MTOR: variants seen among roughly 807,000 people sequenced by gnomAD.
MTOR encodes mechanistic target of rapamycin kinase.
Under a neutral mutation model 319.8 loss-of-function variants are expected in MTOR, and 70 were observed. The ratio of observed to expected loss-of-function variants is 0.22; its 90% CI spans 0.18 to 0.27. MTOR has a LOEUF of 0.27. Ranked by LOEUF, MTOR falls within the 10% of genes least tolerant of loss-of-function variation. The pLI is 1.00. For synonymous variants in MTOR, 1,183 were observed against 1,211.4 expected (o/e 0.98, Z 0.49); for missense variants, 1,890 against 3,274.4 (o/e 0.58, Z 10.32).
intron 19 of MTOR, among the ~76,000 whole-genome samples, chr1:11,225,830 A>G (rs1193804218): frequency 6.6e-6 from 1 of 152,244 alleles, no homozygotes; most frequent in Non-Finnish European, 1.5e-5. Flanking sequence ...TTAAAATGTA[A>G]GAGAACAGTG....
In MTOR at chr1:11,109,345, C is replaced by T. The variant is rs1203276748; in HGVS notation, c.7473G>A (p.Glu2491=). 2.5e-6 allele frequency: 4 copies of T among 1,614,196 alleles called. No homozygotes were observed. The highest frequency in any genetic ancestry group is 1.7e-5 in the Admixed American group (1 of 60,016). ...SFIGDGLVKP[E]ALNKKAIQII... is the part of the protein sequence containing the mutation. ...TCTGGATAGCTTTCTTATTTAGGGCCTCTGGTTTCACCAAACCGTCTCCAA... is the reference window on the plus strand; with the variant it reads ...TCTGGATAGCTTTCTTATTTAGGGCTTCTGGTTTCACCAAACCGTCTCCAA... The change falls in exon 56 of 58, where the codon GAG becomes GAA. Residue 2491 remains glutamate (E), a synonymous_variant. Coordinates refer to ENST00000361445, the MANE Select transcript of MTOR (RefSeq NM_004958.4). This position sits in a 1 kb window ranked among gnomAD's most constrained non-coding sequence, Gnocchi z 4.0.
chr1:11,182,364 C>T (rs918426423), intron 28 of MTOR, among the ~76,000 whole-genome samples: 4 of 152,106 alleles, frequency 2.6e-5, no homozygotes, highest in African/African-American at 7.2e-5. Flanking sequence ...GACGAGACAA[C>T]AATTGTGTAC....
At chr1:11,135,176 A>T (rs1215028204) in intron 36 of MTOR, among the ~76,000 whole-genome samples, 1 of 152,204 alleles carries the variant, frequency 6.6e-6, no homozygotes, top group Non-Finnish European at 1.5e-5. Flanking sequence ...CAGATCTGGG[A>T]CTACTGTACA....
chr1:11,198,585 A>G (rs1645861745), intron 28 of MTOR, among the ~76,000 whole-genome samples: 1 of 152,216 alleles, frequency 6.6e-6, no homozygotes, highest in Non-Finnish European at 1.5e-5. Context: ...AGATAATGAG[A>G]TCCCGAAGTT....
At position 11,262,117 on chromosome 1, in the gene MTOR, G is replaced by A. The variant is rs140784683; in HGVS notation, c.-15+328C>T. Among the ~76,000 whole-genome samples the A allele has an allele frequency of 1.6e-3, 238 of 152,318 alleles. 2 individuals carry two copies. The South Asian group carries it at 0.016, about 10-fold the overall frequency. On this transcript the variant is annotated intron_variant, in intron 1 of 57. Transcript: ENST00000361445. ...GGACGCTAGTGTTCCCTGGGGCAGA[G>A]ATACACAATTTTTATACGTGGCTCA...
chr1:11,114,681 A>C, intron 52 of MTOR, 132 bp downstream of exon 52: 1 of 1,057,542 alleles, frequency 9.5e-7, no homozygotes, highest in Non-Finnish European at 1.4e-6. Flanking sequence ...ACACAATAGG[A>C]AATAACAGAA....
rs1168126285 is a variant in MTOR, at chr1:11,259,357, TTGCTAGATG to T, written c.44_52del (p.Thr15_Ser17del). ...GGCAAACTGCTGCAGGACGCTCACA[TTGCTAGATG>T]TGGTGGCAGCGGTGGTGGCGGCGGC... On this transcript the variant is annotated inframe_deletion, in exon 2 of 58. Transcript: ENST00000361445. The T allele has an allele frequency of 6.2e-7, 1 of 1,605,624 alleles. No homozygotes were observed.
intron 26 of MTOR, among the ~76,000 whole-genome samples, chr1:11,201,889 C>T (rs1052681102): frequency 4.6e-5 from 7 of 152,178 alleles, no homozygotes; most frequent in Non-Finnish European, 1.0e-4. Context: ...TCTCTGCAGC[C>T]TCTAAACTCC....
intron 37 of MTOR, 65 bp downstream of exon 37, chr1:11,134,286 G>T: frequency 6.8e-7 from 1 of 1,462,782 alleles, no homozygotes; most frequent in Non-Finnish European, 9.5e-7. Context: ...ACTCCTCCTT[G>T]CTGCAGAAGC....
chr1:11,169,834 A>G (rs932846247), intron 28 of MTOR, among the ~76,000 whole-genome samples: 1 of 152,248 alleles, frequency 6.6e-6, no homozygotes, highest in Non-Finnish European at 1.5e-5. Flanking sequence ...ATGAACATGC[A>G]ATTGCTAAGC....
chr1:11,225,286 T>G (rs1204146631), intron 19 of MTOR, among the ~76,000 whole-genome samples: 1 of 152,170 alleles, frequency 6.6e-6, no homozygotes, highest in African/African-American at 2.4e-5. Flanking sequence ...AAGCAGTTAA[T>G]ACTTGGAGTG....
intron 30 of MTOR, among the ~76,000 whole-genome samples, chr1:11,154,232 T>G (rs2261159): frequency 0.99 from 149,877 of 151,626 alleles, 74,113 homozygotes; most frequent in East Asian, 1. Context: ...AAGCGGATTT[T>G]AAAAGACATG....
chr1:11,173,806 C>G (rs17036441), intron 28 of MTOR, among the ~76,000 whole-genome samples: 8,992 of 152,228 alleles, frequency 0.059, 376 homozygotes, highest in South Asian at 0.12. Context: ...ACAGTGAAGT[C>G]AGCAGGCTTA....
rs558030558 is a variant in MTOR at position 11,153,926 on chromosome 1, G to A, written c.4469+3226C>T. 1.1e-4 allele frequency among the ~76,000 whole-genome samples: 16 copies of A among 151,458 alleles called. No homozygotes were observed. The South Asian group carries it at 2.9e-3, about 28-fold the overall frequency. ...TCCATTAAAAATACAAAAATCAGCC[G>A]GGAGTGGTGGTGCATGCCTGTAATC... On this transcript the variant is annotated intron_variant, in intron 30 of 57. Transcript: ENST00000361445.
chr1:11,250,041 C>T (rs1194615642), intron 6 of MTOR, among the ~76,000 whole-genome samples: 17 of 143,000 alleles, frequency 1.2e-4, no homozygotes, highest in Admixed American at 1.0e-3. Flanking sequence ...GCTGGCCGGG[C>T]GGGGGGCTGA....
intron 45 of MTOR, 82 bp from the exon 46 acceptor site, chr1:11,126,878 C>T: frequency 6.3e-7 from 1 of 1,578,556 alleles, no homozygotes. Flanking sequence ...CAGTGGATTG[C>T]TAATAACAAT....
chr1:11,201,592 AAAT>A (rs1418603866), intron 26 of MTOR, among the ~76,000 whole-genome samples: 5 of 152,350 alleles, frequency 3.3e-5, no homozygotes, highest in African/African-American at 1.2e-4. Context: ...GCCTCATTAT[AAAT>A]AATTAATATC....
chr1:11,181,994 G>A (rs1419028516), intron 28 of MTOR, among the ~76,000 whole-genome samples: 1 of 152,156 alleles, frequency 6.6e-6, no homozygotes, highest in Non-Finnish European at 1.5e-5. Context: ...AAGGCAGGCG[G>A]ATCACCTGAG....
chr1:11,181,886 C>T (rs12121866), intron 28 of MTOR, among the ~76,000 whole-genome samples: 8,989 of 152,174 alleles, frequency 0.059, 374 homozygotes, highest in South Asian at 0.12. Context: ...TCTTTGCTTT[C>T]GCAGAGCTTA....
Sources: gnomAD v4.1 joint callset for allele counts (sites outside exome capture counted in the v4.1 genomes callset) on GRCh38, gnomAD v4.1.1 for gene constraint, Gnocchi (gnomAD v3.1) non-coding constraint, MANE v1.5 for transcripts, NCBI Gene and HGNC (gene_info 2026-07-23, HGNC 2026-07-21) for gene names.